DIAPH2: variants seen among roughly 807,000 people sequenced by gnomAD.
DIAPH2 encodes diaphanous related formin 2.
Under a neutral mutation model 92.7 loss-of-function variants are expected in DIAPH2, and 35 were observed. The observed-to-expected ratio is 0.38, with a 90% confidence interval of 0.29 to 0.50. The LOEUF (loss-of-function observed/expected upper bound fraction) is 0.50, where lower values mean the gene tolerates loss of function less well. DIAPH2 is among the 20% of genes least tolerant of loss of function. The pLI, the probability that DIAPH2 is intolerant of heterozygous loss-of-function variation, is 0.94. For synonymous variants in DIAPH2, 301 were observed against 280.4 expected (o/e 1.07, Z -0.73); for missense variants, 701 against 819.5 (o/e 0.86, Z 1.77).
chrX:97,078,124 G>A lies in DIAPH2; in HGVS notation c.2247+2863G>A, dbSNP rs747883679. ...TAGAGCATTGACAGAGTAATGAAAC[G>A]AGCGGTTTGAAAAAAGTGATGCATG... is the stretch of plus-strand genomic sequence containing the variant. On this transcript the variant is annotated intron_variant, in intron 19 of 26. Transcript: ENST00000324765. Among the ~76,000 whole-genome samples, 8 of 111,503 alleles carry A rather than the reference G, an allele frequency of 7.2e-5. No homozygotes were observed. In the East Asian group the frequency reaches 1.7e-3, roughly 24 times the overall value.
chrX:97,051,112 T>A (rs1296075910), intron 17 of DIAPH2, among the ~76,000 whole-genome samples: 1 of 111,955 alleles, frequency 8.9e-6, no homozygotes, highest in Non-Finnish European at 1.9e-5. Flanking sequence ...TTTTATCCCT[T>A]TCTGGACATC....
intron 22 of DIAPH2, among the ~76,000 whole-genome samples, chrX:97,227,241 T>C (rs749329620): frequency 9.0e-6 from 1 of 111,067 alleles, no homozygotes; most frequent in East Asian, 2.8e-4. Flanking sequence ...GCCACTGCAC[T>C]CCAGCCTGGG....
intron 24 of DIAPH2, among the ~76,000 whole-genome samples, chrX:97,380,045 A>G (rs1367577992): frequency 9.0e-6 from 1 of 110,526 alleles, no homozygotes; most frequent in Non-Finnish European, 1.9e-5. Context: ...AAGGGAAATA[A>G]GATTTGTAAT....
At chrX:96,884,251 G>T (rs2065241526) in intron 5 of DIAPH2, 3 of 1,070,017 alleles carry the variant, frequency 2.8e-6, no homozygotes, top group South Asian at 2.1e-5. Context: ...ACTCAAAGCC[G>T]TCCGTGGAGC....
chrX:96,968,258 G>A (rs778312980), intron 17 of DIAPH2, among the ~76,000 whole-genome samples: 34 of 109,876 alleles, frequency 3.1e-4, no homozygotes, highest in Non-Finnish European at 4.9e-4. Flanking sequence ...CGCTCTTGCT[G>A]CCCAGGCTGG....
Position 96,942,147 on chromosome X carries a change from T to C in DIAPH2, c.1444+11T>C, listed in dbSNP as rs778017600. ...TAACTCATCTGATAGGTATGTATCA[T>C]AATCCTCATTGTCCTCTGATTGTGT... is the stretch of plus-strand genomic sequence containing the variant. On this transcript the variant is annotated intron_variant, in intron 13 of 26. Transcript: ENST00000324765. 3.1e-6 allele frequency: 3 copies of C among 982,330 alleles called. No individual in the cohort carries two copies. The highest frequency in any genetic ancestry group is 4.4e-6 in the Non-Finnish European group (3 of 688,696). The allele number at this position is 982,330 out of a possible 1,213,427, so 81.0% of individuals were successfully genotyped here.
chrX:97,414,830 A>G (rs2069924471), intron 25 of DIAPH2, among the ~76,000 whole-genome samples: 1 of 111,618 alleles, frequency 9.0e-6, no homozygotes, highest in Non-Finnish European at 1.9e-5. Context: ...CTAAAACACC[A>G]AAAGCAATGG....
rs779295949 is a variant in DIAPH2 at position 97,361,691 on chromosome X, G to A, written c.3009+13411G>A. On this transcript the variant is annotated intron_variant, in intron 24 of 26. Coordinates refer to ENST00000324765, the MANE Select transcript of DIAPH2 (RefSeq NM_006729.5). ...ATTTCTGTTCTGCCATCCTTGGCAT[G>A]TTGGCTCTTGGTTGCACAATGGCTG... Among the ~76,000 whole-genome samples, 14 of 112,290 alleles carry A rather than the reference G, an allele frequency of 1.2e-4. No homozygotes were observed. The East Asian group carries it at 3.4e-3, about 27-fold the overall frequency.
rs776477790 is a variant in DIAPH2 at position 97,524,184 on chromosome X, C to G, written c.3242-75069C>G. On this transcript the variant is annotated intron_variant, in intron 26 of 26. Coordinates refer to ENST00000324765, the MANE Select transcript of DIAPH2 (RefSeq NM_006729.5). ...CATGAGAGAAGATGCTTTAACTCCT[C>G]TAGTTACCCAAAGACTCTCCAGTGC... is the stretch of plus-strand genomic sequence containing the variant. Among the ~76,000 whole-genome samples, 9 of 111,961 alleles carry G rather than the reference C, an allele frequency of 8.0e-5. No individual in the cohort carries two copies. The South Asian group carries it at 3.3e-3, about 42-fold the overall frequency.
intron 26 of DIAPH2, among the ~76,000 whole-genome samples, chrX:97,592,099 A>C (rs964987695): frequency 8.9e-6 from 1 of 112,432 alleles, no homozygotes; most frequent in Non-Finnish European, 1.9e-5. Flanking sequence ...TATCATGTTT[A>C]TGGTAGATAA....
chrX:97,256,218 A>G (rs955662795), intron 23 of DIAPH2, among the ~76,000 whole-genome samples: 1 of 112,481 alleles, frequency 8.9e-6, no homozygotes, highest in Non-Finnish European at 1.9e-5. Flanking sequence ...ATTACCCAAT[A>G]TGAATGTGGT....
intron 23 of DIAPH2, among the ~76,000 whole-genome samples, chrX:97,308,519 C>G (rs933004501): frequency 3.6e-5 from 4 of 110,259 alleles, no homozygotes; most frequent in African/African-American, 1.3e-4. Flanking sequence ...CGGTGGCTCA[C>G]GTCTGTAATC....
intron 18 of DIAPH2, among the ~76,000 whole-genome samples, chrX:97,074,560 A>G (rs2066692295): frequency 8.9e-6 from 1 of 112,320 alleles, no homozygotes; most frequent in Non-Finnish European, 1.9e-5. Context: ...TTATTCCAAT[A>G]TGATATCATA....
chrX:97,088,432 T>A (rs149163624), intron 19 of DIAPH2, among the ~76,000 whole-genome samples: 1 of 112,477 alleles, frequency 8.9e-6, no homozygotes, highest in African/African-American at 3.2e-5. Flanking sequence ...CATTCTGAGC[T>A]GTATCATAAG....
chrX:96,746,776 G>A (rs1235516974), intron 3 of DIAPH2, among the ~76,000 whole-genome samples: 1 of 110,542 alleles, frequency 9.0e-6, no homozygotes, highest in Non-Finnish European at 1.9e-5. Context: ...TGAACTCCTG[G>A]GCTCAAGCAT....
intron 17 of DIAPH2, among the ~76,000 whole-genome samples, chrX:97,065,567 G>A (rs758787481): frequency 9.0e-6 from 1 of 111,115 alleles, no homozygotes; most frequent in Admixed American, 9.6e-5. Flanking sequence ...AGTATAGCAC[G>A]TACAATTGTG....
chrX:97,181,291 G>A (rs1024931842), intron 22 of DIAPH2, among the ~76,000 whole-genome samples: 2 of 110,631 alleles, frequency 1.8e-5, no homozygotes, highest in South Asian at 3.9e-4. Context: ...AGTTAGTCTC[G>A]AACTCCTGAC....
At position 96,758,173 on chromosome X, in the gene DIAPH2, A is replaced by G. The variant is rs750487048; in HGVS notation, c.362A>G (p.Glu121Gly). 1 of 1,205,483 alleles carries G rather than the reference A, an allele frequency of 8.3e-7. No individual in the cohort carries two copies. Among genetic ancestry groups the G allele is most frequent in the Non-Finnish European group, 1.1e-6 (1 of 893,116 alleles). The change falls in exon 4 of 27, where the codon GAA becomes GGA. Residue 121 changes from glutamate (E) to glycine (G), a missense_variant. Coordinates refer to ENST00000324765, the MANE Select transcript of DIAPH2 (RefSeq NM_006729.5). ...EKMMEDMNLN[E>G]EKKAPLRNKD... ...TTACAGGAGGACATGAACCTTAACG[A>G]AGAGAAAAAAGCTCCTTTACGAAAC...
At chrX:96,689,397 G>A (rs980626039) in intron 1 of DIAPH2, among the ~76,000 whole-genome samples, 1 of 107,891 alleles carries the variant, frequency 9.3e-6, no homozygotes, top group Admixed American at 1.0e-4. Flanking sequence ...TCTTGGAAAA[G>A]CATGCTAGAA....
Sources: allele counts gnomAD v4.1 joint callset (sites outside exome capture counted in the v4.1 genomes callset), GRCh38; gene constraint gnomAD v4.1.1; transcripts MANE v1.5; gene names NCBI Gene and HGNC (gene_info 2026-07-23, HGNC 2026-07-21).